The following RSRC1 variants were observed in gnomAD, a reference collection of about 807,000 sequenced individuals.
RSRC1 encodes arginine and serine rich coiled-coil 1.
A neutral mutation model predicts 49.1 loss-of-function variants in RSRC1; 39 were observed. That is an observed-to-expected ratio of 0.79 (90% confidence interval 0.61 to 1.04). The LOEUF (loss-of-function observed/expected upper bound fraction) is 1.04, where lower values mean the gene tolerates loss of function less well. Ranked by LOEUF, RSRC1 falls within the 50% of genes least tolerant of loss-of-function variation. The pLI is 0.00. For missense variants in RSRC1, 388 were observed against 402.4 expected, an observed-to-expected ratio of 0.96 and a Z score of 0.31; for synonymous variants, 143 against 130.8, an observed-to-expected ratio of 1.09 and a Z score of -0.63.
chr3:158,529,214 G>GTGTGTGTA (rs374368016), intron 7 of RSRC1, among the ~76,000 whole-genome samples: 1 of 143,126 alleles, frequency 7.0e-6, no homozygotes, highest in African/African-American at 2.6e-5. Context: ...ATGTGTGTGT[G>GTGTGTGTA]TATATATATA....
At chr3:158,229,674 CAAAG>C (rs1421619743) in intron 4 of RSRC1, among the ~76,000 whole-genome samples, 5 of 151,808 alleles carry the variant, frequency 3.3e-5, no homozygotes, top group Middle Eastern at 3.4e-3. Context: ...TTCACATTAA[CAAAG>C]AAGTTGCAAG....
chr3:158,440,139 A>T (rs574611046), intron 6 of RSRC1, among the ~76,000 whole-genome samples: 2 of 152,166 alleles, frequency 1.3e-5, no homozygotes, highest in South Asian at 2.1e-4. Context: ...AAAATTTTTT[A>T]AAAAGGCACA....
At chr3:158,299,481 C>T (rs926765370) in intron 5 of RSRC1, among the ~76,000 whole-genome samples, 4 of 151,702 alleles carry the variant, frequency 2.6e-5, no homozygotes, top group Admixed American at 1.3e-4. Flanking sequence ...TACAGGTGCC[C>T]GTCACCACAC....
At chr3:158,206,874 A>G (rs1015687277) in intron 4 of RSRC1, among the ~76,000 whole-genome samples, 3 of 152,200 alleles carry the variant, frequency 2.0e-5, no homozygotes, top group African/African-American at 7.2e-5. Flanking sequence ...AGATCGTGCC[A>G]TTGCACTCTA....
chr3:158,285,568 T>G (rs1440802372), intron 4 of RSRC1, among the ~76,000 whole-genome samples: 1 of 152,208 alleles, frequency 6.6e-6, no homozygotes, highest in Non-Finnish European at 1.5e-5. Context: ...TTTATTTCAT[T>G]GAGCAGTGGT....
chr3:158,167,970 C>T (rs902393226), intron 3 of RSRC1, among the ~76,000 whole-genome samples: 2 of 152,144 alleles, frequency 1.3e-5, no homozygotes, highest in African/African-American at 4.8e-5. Flanking sequence ...GCCAAGTTCC[C>T]TAAAAGCTGT....
chr3:158,433,004 G>C (rs1735854827), intron 6 of RSRC1, among the ~76,000 whole-genome samples: 1 of 151,692 alleles, frequency 6.6e-6, no homozygotes, highest in African/African-American at 2.4e-5. Flanking sequence ...AATAACACTT[G>C]AAATTGTTAT....
intron 6 of RSRC1, among the ~76,000 whole-genome samples, chr3:158,446,437 C>G (rs1432818832): frequency 6.6e-6 from 1 of 151,396 alleles, no homozygotes; most frequent in Non-Finnish European, 1.5e-5. Context: ...TTGTTATCAT[C>G]AAAACCATTT....
At chr3:158,370,923 T>C (rs765021576) in intron 6 of RSRC1, among the ~76,000 whole-genome samples, 35 of 151,918 alleles carry the variant, frequency 2.3e-4, no homozygotes, top group Non-Finnish European at 4.3e-4. Context: ...GCTTCATTTG[T>C]TCCATATCCT....
chr3:158,421,611 A>G (rs1055736756), intron 6 of RSRC1, among the ~76,000 whole-genome samples: 5 of 151,860 alleles, frequency 3.3e-5, no homozygotes, highest in African/African-American at 1.2e-4. Context: ...AGAAGGTGAA[A>G]TGATACAAAC....
Position 158,457,743 on chromosome 3 carries a change from T to TG in RSRC1, c.584-3192_584-3191insG, listed in dbSNP as rs1560051404. 1.6e-4 allele frequency among the ~76,000 whole-genome samples: 20 copies of TG among 124,052 alleles called. No homozygotes were observed. In the East Asian group the frequency reaches 2.7e-3, roughly 17 times the overall value. The allele number at this position is 124,052 out of a possible 152,430, so 81.4% of individuals were successfully genotyped here. A position where few individuals can be genotyped will look rare whatever the true frequency, so the allele number is the denominator to read the frequency against. ...TTTGTGTTTTGTGTTTTTTTTTGTT[T>TG]TTTTTTTTTGTTTGTTTTTTAATAT... On this transcript the variant is annotated intron_variant, in intron 6 of 9. Coordinates refer to ENST00000611884, the MANE Select transcript of RSRC1 (RefSeq NM_001271838.2).
chr3:158,309,465 A>T (rs531630148), intron 5 of RSRC1, among the ~76,000 whole-genome samples: 41 of 151,930 alleles, frequency 2.7e-4, no homozygotes, highest in Non-Finnish European at 3.5e-4. Context: ...GCATTTAATA[A>T]ACGTTTAATA....
At chr3:158,393,493 C>T (rs1468024704) in intron 6 of RSRC1, among the ~76,000 whole-genome samples, 4 of 151,554 alleles carry the variant, frequency 2.6e-5, no homozygotes, top group African/African-American at 9.7e-5. Context: ...TTACTACCAA[C>T]CCCACAGAAA....
At chr3:158,403,612 G>A (rs1219773194) in intron 6 of RSRC1, among the ~76,000 whole-genome samples, 1 of 151,534 alleles carries the variant, frequency 6.6e-6, no homozygotes, top group Non-Finnish European at 1.5e-5. Context: ...ACATAAATGT[G>A]GAAAATCACT....
At chr3:158,257,800 TTA>T (rs1466556930) in intron 4 of RSRC1, among the ~76,000 whole-genome samples, 1 of 152,136 alleles carries the variant, frequency 6.6e-6, no homozygotes, top group African/African-American at 2.4e-5. Flanking sequence ...GGTGTGTTTC[TTA>T]TATGTTTTTT....
chr3:158,365,582 A>G (rs535641234), intron 6 of RSRC1, among the ~76,000 whole-genome samples: 40 of 152,268 alleles, frequency 2.6e-4, no homozygotes, highest in African/African-American at 9.6e-4. Context: ...AGTTTTTGCT[A>G]TTGTAAACAG....
intron 4 of RSRC1, among the ~76,000 whole-genome samples, chr3:158,219,379 G>A (rs549404965): frequency 2.0e-5 from 3 of 151,192 alleles, no homozygotes; most frequent in African/African-American, 4.8e-5. Context: ...TTATATAAGG[G>A]CTTACATACA....
chr3:158,465,733 T>C (rs746011376), intron 7 of RSRC1, among the ~76,000 whole-genome samples: 11 of 152,210 alleles, frequency 7.2e-5, no homozygotes, highest in Non-Finnish European at 1.3e-4. Flanking sequence ...AGATTTAAAA[T>C]GTCCCTTTAA....
chr3:158,356,624 T>C (rs917304424), intron 6 of RSRC1, among the ~76,000 whole-genome samples: 14 of 152,078 alleles, frequency 9.2e-5, no homozygotes, highest in Non-Finnish European at 1.9e-4. Context: ...AAATAAAATA[T>C]ACTGTAGGAT....
Sources: gnomAD v4.1 joint callset for allele counts (sites outside exome capture counted in the v4.1 genomes callset) on GRCh38, gnomAD v4.1.1 for gene constraint, MANE v1.5 for transcripts, NCBI Gene and HGNC (gene_info 2026-07-23, HGNC 2026-07-21) for gene names.